SEC62: variants seen among roughly 807,000 people sequenced by gnomAD.
The protein encoded by SEC62 is SEC62 preprotein translocation factor, also known as translocation protein SEC62.
SEC62 carries 10 observed loss-of-function variants against 47.5 expected under a neutral mutation model. The ratio of observed to expected loss-of-function variants is 0.21; its 90% CI spans 0.13 to 0.36. SEC62 has a LOEUF of 0.36. SEC62 is among the 10% of genes least tolerant of loss of function. SEC62 has a pLI of 1.00. For synonymous variants in SEC62, 136 were observed against 150.5 expected, an observed-to-expected ratio of 0.90 and a Z score of 0.71; for missense variants, 327 against 464.1, an observed-to-expected ratio of 0.70 and a Z score of 2.71.
chr3:169,982,592 C>T (rs747078121), intron 3 of SEC62, 115 bp from the exon 4 acceptor site: 1 of 1,259,476 alleles, frequency 7.9e-7, no homozygotes, highest in South Asian at 1.2e-5. Context: ...GTTGTAATTT[C>T]TCTTGTGTTG....
In SEC62 at chr3:169,998,104, C is replaced by G. The variant is rs937322374; in HGVS notation, c.*5041C>G. ...TGAAATTAAAGTTAATTTTTCCCAT[C>G]CAAGTTCATGTATCTTCTGAATTCT... On this transcript the variant is annotated 3_prime_UTR_variant, in exon 8 of 8. Transcript: ENST00000337002. 1.3e-5 allele frequency: 2 copies of G among 152,164 alleles called. No individual in the cohort carries two copies. The highest frequency in any genetic ancestry group is 4.8e-5 in the African/African-American group (2 of 41,430). The allele number at this position is 152,164 out of a possible 1,614,324, so 9.4% of individuals were successfully genotyped here.
At chr3:169,973,950 T>C (rs1004960662) in intron 1 of SEC62, among the ~76,000 whole-genome samples, 1 of 152,176 alleles carries the variant, frequency 6.6e-6, no homozygotes, top group African/African-American at 2.4e-5. Context: ...AAACAAAAAC[T>C]TCCACTTCAT....
intron 1 of SEC62, among the ~76,000 whole-genome samples, chr3:169,974,173 A>G (rs1285753294): frequency 6.6e-6 from 1 of 152,164 alleles, no homozygotes; most frequent in Non-Finnish European, 1.5e-5. Context: ...TTAGCATCTT[A>G]GATTCTTGCC....
intron 3 of SEC62, among the ~76,000 whole-genome samples, chr3:169,980,528 G>T (rs1714945057): frequency 6.6e-6 from 1 of 152,126 alleles, no homozygotes; most frequent in Admixed American, 6.5e-5. Context: ...CTTTCGTGGG[G>T]GTGGGCAGCT....
rs17289522 is a variant in SEC62 at position 169,979,888 on chromosome 3, A to G, written c.252-2819A>G. Among the ~76,000 whole-genome samples, 831 of 152,304 alleles carry G rather than the reference A, an allele frequency of 5.5e-3. 40 individuals are homozygous for G. In the East Asian group the frequency reaches 0.13, roughly 24 times the overall value. ...ACTTTATTGTAACTCCATAGCAATT[A>G]CCACAGTGTGAGCACTTCATAAAAA... On this transcript the variant is annotated intron_variant, in intron 3 of 7. Transcript: ENST00000337002.
In SEC62 at chr3:169,993,019, G is replaced by C; in HGVS notation, c.1156G>C (p.Glu386Gln). Residue 386 changes from glutamate (E) to glutamine (Q), a missense_variant, in exon 8 of 8, where the codon GAA becomes CAA. Coordinates refer to ENST00000337002, the MANE Select transcript of SEC62 (RefSeq NM_003262.4). ...GGATTGTGAAGAGGATGAGGAAGAG[G>C]AAAATGATGGAGAAACACCTAAATC... is the stretch of plus-strand genomic sequence containing the variant. Reference protein sequence around the residue: ...DGDCEEDEEEENDGETPKSSH... With the variant: ...DGDCEEDEEEQNDGETPKSSH... 2 of 1,609,192 alleles carry C rather than the reference G, an allele frequency of 1.2e-6. No individual in the cohort carries two copies. Among genetic ancestry groups the C allele is most frequent in the Non-Finnish European group, 1.7e-6 (2 of 1,178,366 alleles).
intron 5 of SEC62, chr3:169,983,544 C>T (rs1715029618): frequency 5.5e-6 from 1 of 182,452 alleles, no homozygotes; most frequent in Non-Finnish European, 1.1e-5. Flanking sequence ...TACGTCAGCT[C>T]CATGGTGGAT....
At chr3:169,981,872 A>C (rs984800056) in intron 3 of SEC62, among the ~76,000 whole-genome samples, 2 of 152,296 alleles carry the variant, frequency 1.3e-5, no homozygotes, top group South Asian at 2.1e-4. Flanking sequence ...AGAGAATGGG[A>C]AGGTGGGCTT....
chr3:169,997,281 G>A lies in SEC62; in HGVS notation c.*4218G>A, dbSNP rs555765610. The A allele has an allele frequency of 6.6e-6, 1 of 152,230 alleles. No individual in the cohort carries two copies. The highest frequency in any genetic ancestry group is 2.1e-4 in the South Asian group (1 of 4,824). The allele number at this position is 152,230 out of a possible 1,614,324, so 9.4% of individuals were successfully genotyped here. A position where few individuals can be genotyped will look rare whatever the true frequency, so the allele number is the denominator to read the frequency against. ...GTCTGAGAGAGGACATATTTTCTGAGGTTTATAGTTTTAGGATTGTCCAAA... is the reference window on the plus strand; with the variant it reads ...GTCTGAGAGAGGACATATTTTCTGAAGTTTATAGTTTTAGGATTGTCCAAA... On this transcript the variant is annotated 3_prime_UTR_variant, in exon 8 of 8. Coordinates refer to ENST00000337002, the MANE Select transcript of SEC62 (RefSeq NM_003262.4).
At chr3:169,991,484 A>C (rs1715246670) in intron 7 of SEC62, among the ~76,000 whole-genome samples, 1 of 152,178 alleles carries the variant, frequency 6.6e-6, no homozygotes, top group Non-Finnish European at 1.5e-5. Context: ...TAATCCCTGC[A>C]CTTTGGGAGT....
chr3:169,990,898 T>C (rs1295575830), intron 7 of SEC62, among the ~76,000 whole-genome samples: 1 of 152,224 alleles, frequency 6.6e-6, no homozygotes, highest in Non-Finnish European at 1.5e-5. Flanking sequence ...ATAGATTAGC[T>C]TATTTCAGGC....
At chr3:169,982,934 A>C in intron 4 of SEC62, 23 bp downstream of exon 4, 22 of 1,558,404 alleles carry the variant, frequency 1.4e-5, no homozygotes, top group Non-Finnish European at 1.8e-5. Flanking sequence ...AAAATTAAGT[A>C]AAAATTTAAA....
chr3:169,989,316 A>G (rs1408737943), intron 7 of SEC62, among the ~76,000 whole-genome samples: 2 of 149,550 alleles, frequency 1.3e-5, no homozygotes, highest in Admixed American at 6.8e-5. Flanking sequence ...TCCTGACCTC[A>G]GGTGATCTGC....
intron 3 of SEC62, among the ~76,000 whole-genome samples, chr3:169,982,227 G>T (rs913531173): frequency 1.3e-5 from 2 of 152,024 alleles, no homozygotes; most frequent in African/African-American, 4.8e-5. Flanking sequence ...ACTGAATTGC[G>T]AAGTACTTGG....
intron 3 of SEC62, among the ~76,000 whole-genome samples, chr3:169,982,023 A>G (rs1279994538): frequency 1.3e-5 from 2 of 152,222 alleles, no homozygotes; most frequent in Non-Finnish European, 1.5e-5. Context: ...AATATAAAAT[A>G]TAGTAATAAC....
At chr3:169,975,582 A>G (rs1296006252) in intron 1 of SEC62, 26 bp from the exon 2 acceptor site, 21 of 1,363,006 alleles carry the variant, frequency 1.5e-5, no homozygotes, top group Admixed American at 5.1e-5. Flanking sequence ...ATATGATTAT[A>G]CTAAATTAAT....
chr3:169,969,314 G>A (rs1239241842), intron 1 of SEC62: 3 of 456,272 alleles, frequency 6.6e-6, no homozygotes, highest in Admixed American at 2.4e-5. Flanking sequence ...GTGTCCCATC[G>A]AAGTTTCTAG....
chr3:169,982,843 A>G lies in SEC62; in HGVS notation c.388A>G (p.Ile130Val), dbSNP rs201421974. Residue 130 changes from isoleucine to valine, a missense_variant, in exon 4 of 8, where the codon ATA becomes GTA. Coordinates refer to ENST00000337002, the MANE Select transcript of SEC62 (RefSeq NM_003262.4). ...EEDKKSKKEN[I>V]KDEKTKKEKE... is the part of the protein sequence containing the mutation. ...AGATAAAAAGAGCAAGAAAGAAAAT[A>G]TAAAGGATGAGAAGACAAAAAAAGA... 1.9e-3 allele frequency: 3,066 copies of G among 1,585,390 alleles called. 8 individuals are homozygous for G. Among genetic ancestry groups the G allele is most frequent in the Non-Finnish European group, 2.5e-3 (2,896 of 1,168,946 alleles).
chr3:169,978,183 G>T (rs1714881272), intron 3 of SEC62, among the ~76,000 whole-genome samples: 1 of 151,914 alleles, frequency 6.6e-6, no homozygotes, highest in African/African-American at 2.4e-5. Context: ...GGAGGCTGAG[G>T]CAGGAGAATG....
Sources: gnomAD v4.1 joint callset for allele counts (sites outside exome capture counted in the v4.1 genomes callset) on GRCh38, gnomAD v4.1.1 for gene constraint, MANE v1.5 for transcripts, NCBI Gene and HGNC (gene_info 2026-07-23, HGNC 2026-07-21) for gene names.